The following RNF130 variants were observed in gnomAD, a reference collection of about 807,000 sequenced individuals.
RNF130 encodes ring finger protein 130, also known as E3 ubiquitin-protein ligase RNF130.
In RNF130, 21 loss-of-function variants were observed where a neutral mutation model predicts 44.6. The ratio of observed to expected loss-of-function variants is 0.47; its 90% CI spans 0.33 to 0.68. The LOEUF is 0.68. Among genes scored for constraint, RNF130 ranks in the 30% least tolerant of loss-of-function variants. The probability of loss-of-function intolerance (pLI) is 0.02; values close to 1 mark genes in which losing one functional copy is unlikely to be tolerated. For missense variants in RNF130, 479 were observed against 560.6 expected, an observed-to-expected ratio of 0.85 and a Z score of 1.47; for synonymous variants, 214 against 210.4, an observed-to-expected ratio of 1.02 and a Z score of -0.15.
intron 2 of RNF130, among the ~76,000 whole-genome samples, chr5:180,029,581 A>G (rs929892395): frequency 6.6e-6 from 1 of 152,274 alleles, no homozygotes; most frequent in Non-Finnish European, 1.5e-5. Context: ...TCTTAAAAAT[A>G]AAAGCAATAT....
intron 3 of RNF130, among the ~76,000 whole-genome samples, chr5:179,984,332 C>A (rs1429396159): frequency 6.6e-6 from 1 of 152,092 alleles, no homozygotes; most frequent in East Asian, 1.9e-4. Flanking sequence ...CAGAAGTGAT[C>A]AGAGGACACA....
chr5:179,950,009 G>A (rs867555345), intron 7 of RNF130, among the ~76,000 whole-genome samples: 3 of 152,144 alleles, frequency 2.0e-5, no homozygotes, highest in African/African-American at 7.2e-5. Flanking sequence ...CTGTTTTCCT[G>A]GGTGGCCATC....
chr5:179,966,703 G>T, intron 7 of RNF130, 103 bp downstream of exon 7: 1 of 946,388 alleles, frequency 1.1e-6, no homozygotes, highest in Non-Finnish European at 1.6e-6. Context: ...CTTGGTTACA[G>T]TCTGTGTTGC....
intron 3 of RNF130, among the ~76,000 whole-genome samples, chr5:180,011,515 T>G (rs1763596011): frequency 6.6e-6 from 1 of 152,210 alleles, no homozygotes; most frequent in Admixed American, 6.5e-5. Context: ...CCCATAATCC[T>G]GACACTTTGG....
rs62407268 is a variant in RNF130 at position 179,960,190 on chromosome 5, C to T, written c.1244+3281G>A. ...AAGACCTCTTTTGGGAATTGAAATTCAGTAACCTCGCTTACCTAGGTACTA... is the reference window on the plus strand; with the variant it reads ...AAGACCTCTTTTGGGAATTGAAATTTAGTAACCTCGCTTACCTAGGTACTA... On this transcript the variant is annotated intron_variant, in intron 8 of 8. Coordinates refer to ENST00000521389, the MANE Select transcript of RNF130 (RefSeq NM_018434.6). Among the ~76,000 whole-genome samples, 1,460 of 152,246 alleles carry T rather than the reference C, an allele frequency of 9.6e-3. 7 individuals carry two copies. Among genetic ancestry groups the T allele is most frequent in the Non-Finnish European group, 0.015 (1,018 of 68,018 alleles).
intron 1 of RNF130, among the ~76,000 whole-genome samples, chr5:180,044,890 G>C (rs1427456997): frequency 6.6e-6 from 1 of 152,074 alleles, no homozygotes; most frequent in Non-Finnish European, 1.5e-5. Context: ...CACCAGCACA[G>C]AAGCTGACGT....
rs1237033024 is a variant in RNF130, at chr5:179,980,198, A to C, written c.696T>G (p.Arg232=). 6.2e-7 allele frequency: 1 copy of C among 1,614,026 alleles called. No individual in the cohort carries two copies. The highest frequency in any genetic ancestry group is 8.5e-7 in the Non-Finnish European group (1 of 1,179,928). ...CTTTCTTGGCTGCATCTCCGAGACG[A>C]CGCTATGAAAATTGCAAATAAAAAC... ...RYTNARDRNQ[R]RLGDAAKKAI... Residue 232 remains arginine (R), a splice_region_variant and synonymous_variant, in exon 4 of 9, where the codon CGT becomes CGG. Transcript: ENST00000521389.
chr5:179,918,691 C>G (rs567603786), exon 8 of RNF130: 1 of 152,134 alleles, frequency 6.6e-6, no homozygotes, highest in South Asian at 2.1e-4. Context: ...AACAAAAAAA[C>G]CCCCAAAGCC....
At chr5:179,942,476 G>A (rs941327307) in intron 7 of RNF130, among the ~76,000 whole-genome samples, 2 of 152,056 alleles carry the variant, frequency 1.3e-5, no homozygotes, top group African/African-American at 2.4e-5. Flanking sequence ...TCTTAGTCTC[G>A]AATTTAAGTA....
At chr5:179,926,004 T>G (rs1397430202) in intron 7 of RNF130, among the ~76,000 whole-genome samples, 1 of 152,182 alleles carries the variant, frequency 6.6e-6, no homozygotes. Context: ...GGGAAGCAGC[T>G]TTCCATTCTT....
chr5:179,960,486 G>A (rs1413263333), intron 8 of RNF130, among the ~76,000 whole-genome samples: 1 of 152,252 alleles, frequency 6.6e-6, no homozygotes, highest in Non-Finnish European at 1.5e-5. Context: ...ACCGAGCGTG[G>A]TGAGGAAGGG....
At chr5:179,948,943 C>A (rs1041497746) in intron 7 of RNF130, among the ~76,000 whole-genome samples, 3 of 151,578 alleles carry the variant, frequency 2.0e-5, no homozygotes, top group Non-Finnish European at 4.4e-5. Context: ...CCAACCTGGC[C>A]AATGCTTCCT....
At position 180,040,517 on chromosome 5, in the gene RNF130, A is replaced by G. The variant is rs770951596; in HGVS notation, c.378T>C (p.Asn126=). 1.9e-6 allele frequency: 3 copies of G among 1,614,098 alleles called. No individual in the cohort carries two copies. The highest frequency in any genetic ancestry group is 2.2e-5 in the East Asian group (1 of 44,890). ...TATTGTAGATGACTACAGCAACTGC[A>G]TTGTGGAAAGCGGCCCGTGATATTT... ...KEKISRAAFH[N]AVAVVIYNNK... is the part of the protein sequence containing the mutation. Residue 126 remains asparagine, a synonymous_variant, in exon 2 of 9, where the codon AAT becomes AAC. Coordinates refer to ENST00000521389, the MANE Select transcript of RNF130 (RefSeq NM_018434.6).
chr5:180,000,645 G>T (rs1206923270), intron 3 of RNF130, among the ~76,000 whole-genome samples: 1 of 152,050 alleles, frequency 6.6e-6, no homozygotes, highest in Non-Finnish European at 1.5e-5. Flanking sequence ...CAAGTTGAGA[G>T]ATTCTTTCTT....
intron 1 of RNF130, 63 bp from the exon 2 acceptor site, chr5:180,040,710 T>A (rs770145371): frequency 5.1e-5 from 75 of 1,457,068 alleles, no homozygotes; most frequent in Non-Finnish European, 6.8e-5. Flanking sequence ...TTTATCAAAG[T>A]GTCAACTGCT....
intron 2 of RNF130, among the ~76,000 whole-genome samples, chr5:180,023,283 T>G (rs990732263): frequency 6.6e-6 from 1 of 152,240 alleles, no homozygotes; most frequent in Non-Finnish European, 1.5e-5. Context: ...ATTTCCTTGT[T>G]CTGTCAGCTG....
At chr5:179,955,937 A>G (rs1224342914) in intron 8 of RNF130, 2 of 360,552 alleles carry the variant, frequency 5.5e-6, no homozygotes, top group Non-Finnish European at 1.0e-5. Context: ...TTAAATACAC[A>G]GGGACAATTA....
chr5:180,032,514 G>A (rs1157184859), intron 2 of RNF130, among the ~76,000 whole-genome samples: 1 of 152,140 alleles, frequency 6.6e-6, no homozygotes. Context: ...TGTAATTACA[G>A]CATGAGCCAC....
intron 5 of RNF130, among the ~76,000 whole-genome samples, chr5:179,971,855 T>C (rs950740342): frequency 6.6e-6 from 1 of 152,206 alleles, no homozygotes; most frequent in Non-Finnish European, 1.5e-5. Flanking sequence ...GCTTACAACT[T>C]TGGCCTGAAC....
Sources: gnomAD v4.1 joint callset for allele counts (sites outside exome capture counted in the v4.1 genomes callset) on GRCh38, gnomAD v4.1.1 for gene constraint, MANE v1.5 for transcripts, NCBI Gene and HGNC (gene_info 2026-07-23, HGNC 2026-07-21) for gene names.